Variants in GRAMD4 observed in about 807,000 individuals in gnomAD.
The protein encoded by GRAMD4 is GRAM domain containing 4, also known as GRAM domain-containing protein 4.
A neutral mutation model predicts 83.9 loss-of-function variants in GRAMD4; 25 were observed. The ratio of observed to expected loss-of-function variants is 0.30; its 90% CI spans 0.22 to 0.42. The LOEUF (loss-of-function observed/expected upper bound fraction) is 0.42, where lower values mean the gene tolerates loss of function less well. Among genes scored for constraint, GRAMD4 ranks in the 10% least tolerant of loss-of-function variants. The pLI is 1.00. For synonymous variants in GRAMD4, 336 were observed against 320.9 expected (o/e 1.05, Z -0.50); for missense variants, 593 against 788.7 (o/e 0.75, Z 2.97).
upstream of GRAMD4, among the ~76,000 whole-genome samples, chr22:46,618,745 C>T (rs567811906): frequency 7.0e-6 from 1 of 142,402 alleles, no homozygotes; most frequent in African/African-American, 2.8e-5. The surrounding 1 kb of genome is among the most constrained non-coding windows in gnomAD (Gnocchi z 5.8). Flanking sequence ...AGGCTGGGGT[C>T]GTGGGGAGAG....
intron 11 of GRAMD4, 65 bp from the exon 12 acceptor site, chr22:46,668,624 C>T (rs571029336): frequency 3.0e-5 from 44 of 1,459,744 alleles, no homozygotes; most frequent in Middle Eastern, 3.5e-4. Context: ...GCCCTCCTGG[C>T]GTCGCGGTGT....
rs1170098999 is a variant in GRAMD4, at chr22:46,648,799, GATGC to G, written c.284-9384_284-9381del. Among the ~76,000 whole-genome samples, 173 of 95,008 alleles carry G rather than the reference GATGC, an allele frequency of 1.8e-3. 5 individuals are homozygous for G. Among genetic ancestry groups the G allele is most frequent in the Admixed American group, 3.4e-3 (33 of 9,840 alleles). 62.3% of individuals were successfully genotyped at this position (95,008 alleles called of 152,430 possible). A position where few individuals can be genotyped will look rare whatever the true frequency, so the allele number is the denominator to read the frequency against. On this transcript the variant is annotated intron_variant, in intron 3 of 18. Transcript: ENST00000406902. ...GGATGGATGGATGGATGGATGGATG[GATGC>G]ATGGATGGATGGATGGATGGATGGA...
chr22:46,676,767 T>C, intron 18 of GRAMD4, 99 bp downstream of exon 18: 1 of 1,119,962 alleles, frequency 8.9e-7, no homozygotes, highest in Non-Finnish European at 1.3e-6. Flanking sequence ...GCCAGAGTTT[T>C]AGTTTGGGCA....
At chr22:46,657,918 A>T (rs1455921434) in intron 3 of GRAMD4, among the ~76,000 whole-genome samples, 1 of 152,110 alleles carries the variant, frequency 6.6e-6, no homozygotes, top group Non-Finnish European at 1.5e-5. Flanking sequence ...TAGTGAGGAA[A>T]TTCACACCCT....
At chr22:46,638,608 A>C (rs993826353) in intron 3 of GRAMD4, among the ~76,000 whole-genome samples, 4 of 152,204 alleles carry the variant, frequency 2.6e-5, no homozygotes, top group Admixed American at 2.0e-4. Flanking sequence ...AAACTGAGGC[A>C]CAGAGGGTTC....
At chr22:46,610,317 G>C (rs886627761) in intron 1 of GRAMD4, among the ~76,000 whole-genome samples, 2 of 152,234 alleles carry the variant, frequency 1.3e-5, no homozygotes, top group African/African-American at 4.8e-5. Flanking sequence ...GCTTCTGTGA[G>C]CGTTCTTATT....
rs907144511 is a variant in GRAMD4, at chr22:46,627,066, G to A, written c.162+105G>A. Reference sequence around the variant, plus strand: ...GCAGATTCGTGTCCTGCCCATGCTGGTCAGAGATGGACTGGGCCTGACTCT... The same window carrying A: ...GCAGATTCGTGTCCTGCCCATGCTGATCAGAGATGGACTGGGCCTGACTCT... On this transcript the variant is annotated intron_variant, in intron 2 of 18. Transcript: ENST00000406902. The A allele has an allele frequency of 3.9e-6, 3 of 776,180 alleles. No individual in the cohort carries two copies. The Admixed American group carries it at 5.9e-5, about 15-fold the overall frequency. The allele number at this position is 776,180 out of a possible 1,614,324, so 48.1% of individuals were successfully genotyped here. A position where few individuals can be genotyped will look rare whatever the true frequency, so the allele number is the denominator to read the frequency against.
chr22:46,677,721 A>C lies in GRAMD4; in HGVS notation c.*470A>C. 1 of 986,356 alleles carries C rather than the reference A, an allele frequency of 1.0e-6. No individual in the cohort carries two copies. Among genetic ancestry groups the C allele is most frequent in the Non-Finnish European group, 1.2e-6 (1 of 830,472 alleles). The allele number at this position is 986,356 out of a possible 1,614,324, so 61.1% of individuals were successfully genotyped here. On this transcript the variant is annotated 3_prime_UTR_variant, in exon 19 of 19. Coordinates refer to ENST00000406902, the MANE Select transcript of GRAMD4 (RefSeq NM_015124.5). ...TCCTGGGGACAGAAAGATGTCGTCA[A>C]GGAGGGACATGGGGGCCTTTCACCA...
In GRAMD4 at chr22:46,621,657, C is replaced by T. The variant is rs1347802186; in HGVS notation, c.-50+1092C>T. ...CGGGCCCATCCCTGGCAGTGTGTCGCGGAGGGCACCCCTACCCCGGTGCAG... is the reference window on the plus strand; with the variant it reads ...CGGGCCCATCCCTGGCAGTGTGTCGTGGAGGGCACCCCTACCCCGGTGCAG... On this transcript the variant is annotated intron_variant, in intron 1 of 18. Transcript: ENST00000406902. The surrounding 1 kb of genome is among the most constrained non-coding windows in gnomAD (Gnocchi z 5.8). 7.9e-6 allele frequency among the ~76,000 whole-genome samples: 1 copy of T among 126,328 alleles called. No individual in the cohort carries two copies. Among genetic ancestry groups the T allele is most frequent in the Non-Finnish European group, 1.7e-5 (1 of 59,454 alleles). The allele number at this position is 126,328 out of a possible 152,430, so 82.9% of individuals were successfully genotyped here. A position where few individuals can be genotyped will look rare whatever the true frequency, so the allele number is the denominator to read the frequency against.
At position 46,678,136 on chromosome 22, in the gene GRAMD4, C is replaced by T; in HGVS notation, c.*885C>T. On this transcript the variant is annotated 3_prime_UTR_variant, in exon 19 of 19. Transcript: ENST00000406902. ...AAGGCTGTTGGAGGTGCTCCGAGCA[C>T]TGTGGCATGTCTGGCACATGGCCCC... The T allele has an allele frequency of 1.0e-6, 1 of 985,632 alleles. No individual in the cohort carries two copies. Among genetic ancestry groups the T allele is most frequent in the Non-Finnish European group, 1.2e-6 (1 of 830,060 alleles). The allele number at this position is 985,632 out of a possible 1,614,324, so 61.1% of individuals were successfully genotyped here.
intron 1 of GRAMD4, among the ~76,000 whole-genome samples, chr22:46,596,916 AC>A (rs1326039285): frequency 6.6e-6 from 1 of 151,970 alleles, no homozygotes; most frequent in African/African-American, 2.4e-5. Context: ...TGTCACTGAG[AC>A]CTCCACTCCT....
chr22:46,583,026 G>A (rs2081113560), intron 1 of GRAMD4, among the ~76,000 whole-genome samples: 1 of 152,206 alleles, frequency 6.6e-6, no homozygotes, highest in South Asian at 2.1e-4. Flanking sequence ...CCGGGTTCAA[G>A]CGATTCTCCT....
upstream of GRAMD4, among the ~76,000 whole-genome samples, chr22:46,616,100 CCT>C (rs2147113789): frequency 7.0e-6 from 1 of 142,064 alleles, no homozygotes; most frequent in East Asian, 2.2e-4. Context: ...GTAGGTTCCC[CCT>C]TGTGTAGGTT....
intron 3 of GRAMD4, among the ~76,000 whole-genome samples, chr22:46,644,720 T>G (rs868493947): frequency 0.038 from 4,656 of 122,448 alleles, 240 homozygotes; most frequent in Non-Finnish European, 0.047. Context: ...TTTTTTTTTT[T>G]TTTTTTTTTT....
At chr22:46,641,112 G>A (rs190973839) in intron 3 of GRAMD4, among the ~76,000 whole-genome samples, 5 of 152,084 alleles carry the variant, frequency 3.3e-5, no homozygotes, top group Admixed American at 6.6e-5. Flanking sequence ...TCACTGTGTC[G>A]CCCAGGCCGG....
At chr22:46,651,505 G>A (rs1199884946) in intron 3 of GRAMD4, among the ~76,000 whole-genome samples, 1 of 152,230 alleles carries the variant, frequency 6.6e-6, no homozygotes, top group Non-Finnish European at 1.5e-5. Context: ...GCCCCCGGCA[G>A]GTGTGATATC....
intron 1 of GRAMD4, among the ~76,000 whole-genome samples, chr22:46,611,317 G>C (rs914767710): frequency 3.9e-5 from 6 of 152,150 alleles, no homozygotes; most frequent in African/African-American, 1.2e-4. Context: ...GCTGCCATAT[G>C]GTGTGATGGA....
intron 3 of GRAMD4, among the ~76,000 whole-genome samples, chr22:46,640,546 T>C (rs1362735998): frequency 2.6e-5 from 4 of 152,198 alleles, no homozygotes; most frequent in Admixed American, 2.6e-4. Flanking sequence ...CTTGTGACTC[T>C]GTCCTCAGCA....
chr22:46,591,436 G>A (rs2081206824), intron 1 of GRAMD4, among the ~76,000 whole-genome samples: 1 of 152,130 alleles, frequency 6.6e-6, no homozygotes, highest in Non-Finnish European at 1.5e-5. Context: ...GTTGGGGTTT[G>A]TTGTTTTGGA....
Sources: gnomAD v4.1 joint callset for allele counts (sites outside exome capture counted in the v4.1 genomes callset) on GRCh38, gnomAD v4.1.1 for gene constraint, Gnocchi (gnomAD v3.1) non-coding constraint, MANE v1.5 for transcripts, NCBI Gene and HGNC (gene_info 2026-07-23, HGNC 2026-07-21) for gene names.